The following TMEM244 variants were observed in gnomAD, a reference collection of about 807,000 sequenced individuals.
The protein encoded by TMEM244 is putative transmembrane protein 244.
Under a neutral mutation model 15.8 loss-of-function variants are expected in TMEM244, and 13 were observed. The ratio of observed to expected loss-of-function variants is 0.82; its 90% CI spans 0.53 to 1.30. TMEM244 has a LOEUF of 1.30. Among genes scored for constraint, TMEM244 ranks in the 50% most tolerant of loss-of-function variants. The pLI is 0.00. For synonymous variants in TMEM244, 45 were observed against 48.7 expected (o/e 0.92, Z 0.32); for missense variants, 161 against 144.9 (o/e 1.11, Z -0.57).
intron 1 of TMEM244, among the ~76,000 whole-genome samples, chr6:129,850,090 T>C (rs899206002): frequency 2.0e-5 from 3 of 152,144 alleles, no homozygotes; most frequent in African/African-American, 7.2e-5. Flanking sequence ...CATTTAACAA[T>C]AAATTGTGGA....
At chr6:129,847,894 C>A (rs1159853124) in intron 1 of TMEM244, among the ~76,000 whole-genome samples, 1 of 151,738 alleles carries the variant, frequency 6.6e-6, no homozygotes, top group Non-Finnish European at 1.5e-5. Context: ...CCTTCCTCAG[C>A]CTCCCTGGTA....
intron 3 of TMEM244, among the ~76,000 whole-genome samples, chr6:129,834,957 G>T (rs1175424349): frequency 6.6e-6 from 1 of 152,146 alleles, no homozygotes; most frequent in Non-Finnish European, 1.5e-5. Flanking sequence ...AGTGATTTTA[G>T]TCTTGTACAA....
chr6:129,839,578 G>C (rs1776458740), intron 3 of TMEM244, among the ~76,000 whole-genome samples: 4 of 152,154 alleles, frequency 2.6e-5, no homozygotes, highest in African/African-American at 9.7e-5. Context: ...GTTCTGGCCA[G>C]GGCAATCAGG....
rs573818792 is a variant in TMEM244, at chr6:129,841,128, T to C, written c.193+2402A>G. 2.6e-5 allele frequency among the ~76,000 whole-genome samples: 4 copies of C among 152,316 alleles called. No homozygotes were observed. In the East Asian group the frequency reaches 7.7e-4, roughly 29 times the overall value. On this transcript the variant is annotated intron_variant, in intron 3 of 4. Transcript: ENST00000368143. ...TATGATATAGACACATGCACACATA[T>C]GTTTACTGTGGCACTATTCACATAG...
At chr6:129,850,122 C>G in intron 1 of TMEM244, among the ~76,000 whole-genome samples, 1 of 152,124 alleles carries the variant, frequency 6.6e-6, no homozygotes, top group East Asian at 1.9e-4. Flanking sequence ...AGCCCTGCTC[C>G]GACTCAACCC....
intron 4 of TMEM244, among the ~76,000 whole-genome samples, chr6:129,832,261 C>G (rs1424273023): frequency 6.6e-6 from 1 of 151,902 alleles, no homozygotes; most frequent in Non-Finnish European, 1.5e-5. Context: ...GCATGCCTGG[C>G]TAATTTTTGT....
At chr6:129,835,165 G>C (rs754973432) in intron 3 of TMEM244, among the ~76,000 whole-genome samples, 7 of 152,150 alleles carry the variant, frequency 4.6e-5, no homozygotes, top group Non-Finnish European at 1.0e-4. Context: ...GGAGGCCGAG[G>C]TGGGAGCATC....
intron 1 of TMEM244, among the ~76,000 whole-genome samples, chr6:129,855,304 C>T (rs975396324): frequency 2.0e-5 from 3 of 152,116 alleles, no homozygotes; most frequent in African/African-American, 7.2e-5. Context: ...ATTACTTGTT[C>T]TGGTGAATGA....
chr6:129,861,049 G>A, intron 1 of TMEM244, 107 bp downstream of exon 1: 1 of 1,256,184 alleles, frequency 8.0e-7, no homozygotes, highest in Non-Finnish European at 1.1e-6. Flanking sequence ...CCAGCCAAAA[G>A]TGAAACAAGT....
intron 3 of TMEM244, among the ~76,000 whole-genome samples, chr6:129,839,433 A>T (rs143315593): frequency 0.068 from 10,373 of 152,262 alleles, 522 homozygotes; most frequent in South Asian, 0.21. Context: ...GCGTCTCAAA[A>T]TAAAAAGAGC....
At chr6:129,859,978 C>T (rs1776777131) in intron 1 of TMEM244, among the ~76,000 whole-genome samples, 1 of 152,072 alleles carries the variant, frequency 6.6e-6, no homozygotes, top group African/African-American at 2.4e-5. Context: ...TAGTCAACAA[C>T]CTATCTATTT....
intron 3 of TMEM244, among the ~76,000 whole-genome samples, chr6:129,834,480 A>AAAC (rs199635213): frequency 1.4e-4 from 9 of 65,850 alleles, no homozygotes; most frequent in African/African-American, 3.2e-4. Context: ...AAATAAATCT[A>AAAC]AGCAAACTCT....
At chr6:129,846,053 G>A (rs1352428016) in intron 1 of TMEM244, among the ~76,000 whole-genome samples, 1 of 152,130 alleles carries the variant, frequency 6.6e-6, no homozygotes, top group African/African-American at 2.4e-5. Flanking sequence ...AGAGTCATGT[G>A]TCTTTGGGTT....
chr6:129,832,515 T>C (rs1222273086), intron 4 of TMEM244, among the ~76,000 whole-genome samples: 2 of 152,230 alleles, frequency 1.3e-5, no homozygotes, highest in Admixed American at 6.5e-5. Flanking sequence ...CACTCATATT[T>C]TGACTGACAT....
intron 1 of TMEM244, among the ~76,000 whole-genome samples, chr6:129,856,928 A>C (rs1776720546): frequency 6.6e-6 from 1 of 151,980 alleles, no homozygotes; most frequent in South Asian, 2.1e-4. Context: ...GAGTATGTTA[A>C]TTTTTTAATC....
chr6:129,836,256 C>T (rs1776405123), intron 3 of TMEM244, among the ~76,000 whole-genome samples: 1 of 152,202 alleles, frequency 6.6e-6, no homozygotes, highest in South Asian at 2.1e-4. Flanking sequence ...GCAGCCTCCA[C>T]TGGTGATACC....
intron 2 of TMEM244, among the ~76,000 whole-genome samples, chr6:129,844,517 AG>A (rs1328171191): frequency 6.6e-6 from 1 of 152,164 alleles, no homozygotes; most frequent in African/African-American, 2.4e-5. Context: ...CTAAAATCTG[AG>A]TCTATTAAAG....
intron 3 of TMEM244, among the ~76,000 whole-genome samples, chr6:129,838,192 T>C (rs1776435739): frequency 6.6e-6 from 1 of 152,150 alleles, no homozygotes. Flanking sequence ...CCTCAGCAAA[T>C]GTAAAAGAAC....
chr6:129,853,481 T>C (rs990611374), intron 1 of TMEM244, among the ~76,000 whole-genome samples: 1 of 152,082 alleles, frequency 6.6e-6, no homozygotes, highest in Non-Finnish European at 1.5e-5. Flanking sequence ...TTTACACTCC[T>C]ATTCTGAAAG....
Sources: gnomAD v4.1 joint callset for allele counts (sites outside exome capture counted in the v4.1 genomes callset) on GRCh38, gnomAD v4.1.1 for gene constraint, MANE v1.5 for transcripts, NCBI Gene and HGNC (gene_info 2026-07-23, HGNC 2026-07-21) for gene names.